Variants in UNC13B observed in about 807,000 individuals in gnomAD.
UNC13B encodes protein unc-13 homolog B.
A neutral mutation model predicts 211.0 loss-of-function variants in UNC13B; 144 were observed. The ratio of observed to expected loss-of-function variants is 0.68; its 90% CI spans 0.60 to 0.78. UNC13B has a LOEUF of 0.78. Among genes scored for constraint, UNC13B ranks in the 30% least tolerant of loss-of-function variants. The probability of loss-of-function intolerance (pLI) is 0.00; values close to 1 mark genes in which losing one functional copy is unlikely to be tolerated. For missense variants in UNC13B, 1,777 were observed against 2,002.0 expected, an observed-to-expected ratio of 0.89 and a Z score of 2.14; for synonymous variants, 709 against 725.8, an observed-to-expected ratio of 0.98 and a Z score of 0.37.
chr9:35,380,831 T>G (rs965957683), intron 18 of UNC13B, among the ~76,000 whole-genome samples, 192 bp downstream of exon 18: 8 of 152,198 alleles, frequency 5.3e-5, no homozygotes, highest in Admixed American at 5.2e-4. Flanking sequence ...TCACTCTGGC[T>G]GAATGTTCTC....
intron 15 of UNC13B, among the ~76,000 whole-genome samples, chr9:35,376,930 A>T (rs551949549): frequency 2.2e-3 from 331 of 151,806 alleles, no homozygotes; most frequent in South Asian, 4.2e-3. Flanking sequence ...CTGTGGCTGG[A>T]CCCCAGGAAA....
intron 8 of UNC13B, among the ~76,000 whole-genome samples, chr9:35,297,419 G>T: frequency 6.6e-6 from 1 of 151,182 alleles, no homozygotes. Flanking sequence ...GTGCAGGCCA[G>T]TTGTTTTGAG....
At chr9:35,168,512 T>C (rs1411094546) in intron 1 of UNC13B, among the ~76,000 whole-genome samples, 1 of 152,206 alleles carries the variant, frequency 6.6e-6, no homozygotes, top group Non-Finnish European at 1.5e-5. Context: ...TATACTCAGT[T>C]GGACCAAATG....
intron 12 of UNC13B, among the ~76,000 whole-genome samples, chr9:35,367,369 T>C (rs1833838619): frequency 6.6e-6 from 1 of 152,238 alleles, no homozygotes; most frequent in African/African-American, 2.4e-5. Context: ...TTGTTTTTAA[T>C]TTTTGTAGGT....
intron 8 of UNC13B, among the ~76,000 whole-genome samples, chr9:35,299,512 T>C (rs559551312): frequency 9.8e-5 from 15 of 152,318 alleles, no homozygotes; most frequent in East Asian, 5.8e-4. Flanking sequence ...ATTCTAGATA[T>C]TGGTACAACA....
intron 1 of UNC13B, among the ~76,000 whole-genome samples, chr9:35,207,972 C>T (rs933211960): frequency 2.6e-5 from 4 of 152,258 alleles, no homozygotes; most frequent in South Asian, 4.1e-4. Flanking sequence ...ATCTTTGATA[C>T]ATTTTTAAGT....
Position 35,304,712 on chromosome 9 carries a change from A to G in UNC13B, c.5308A>G (p.Lys1770Glu). The change falls in exon 9 of 40, where the codon AAG (lysine) becomes GAG (glutamate). Residue 1770 changes from lysine (K) to glutamate (E), a missense_variant. Physicochemically the swap from Lys to Glu is moderately conservative, Grantham distance 56. Transcript: ENST00000635942. ...AGTTGGTAGTACTTTGAAGTTTGAT[A>G]AGAGTGAATCCTTAGAGGCTTTGGC... ...ASVGSTLKFD[K>E]SESLEALAMQ... The G allele has an allele frequency of 2.5e-6, 1 of 398,896 alleles. No individual in the cohort carries two copies. 24.7% of individuals were successfully genotyped at this position (398,896 alleles called of 1,614,324 possible). A position where few individuals can be genotyped will look rare whatever the true frequency, so the allele number is the denominator to read the frequency against.
intron 15 of UNC13B, 117 bp from the exon 16 acceptor site, chr9:35,377,351 C>G (rs963761689): frequency 1.9e-6 from 2 of 1,069,778 alleles, no homozygotes; most frequent in Admixed American, 5.3e-5. Flanking sequence ...TTGCTGAGAA[C>G]TAGCAACCAG....
At chr9:35,376,948 G>A (rs991958619) in intron 15 of UNC13B, among the ~76,000 whole-genome samples, 1 of 152,206 alleles carries the variant, frequency 6.6e-6, no homozygotes, top group African/African-American at 2.4e-5. Flanking sequence ...AAAAGCAGGG[G>A]TGAAGGAAGT....
chr9:35,265,157 A>G (rs531220029), intron 7 of UNC13B, among the ~76,000 whole-genome samples: 1 of 152,200 alleles, frequency 6.6e-6, no homozygotes, highest in Non-Finnish European at 1.5e-5. Flanking sequence ...GCAGAATTGT[A>G]TGAACTTGAT....
intron 13 of UNC13B, among the ~76,000 whole-genome samples, chr9:35,372,229 AC>A (rs1834179685): frequency 6.6e-6 from 1 of 152,200 alleles, no homozygotes; most frequent in African/African-American, 2.4e-5. Flanking sequence ...CTGAGATCGC[AC>A]CACTGCACTC....
chr9:35,380,983 G>A, intron 18 of UNC13B, 117 bp from the exon 19 acceptor site: 2 of 953,228 alleles, frequency 2.1e-6, no homozygotes, highest in Non-Finnish European at 3.1e-6. Context: ...GAGTCCTTGG[G>A]TTGGCCCCTT....
intron 11 of UNC13B, among the ~76,000 whole-genome samples, chr9:35,320,206 G>T (rs1017701949): frequency 6.6e-6 from 1 of 152,060 alleles, no homozygotes; most frequent in Non-Finnish European, 1.5e-5. Flanking sequence ...ATATATGAGG[G>T]TATGTGTTTT....
At chr9:35,194,956 G>A (rs888618431) in intron 1 of UNC13B, among the ~76,000 whole-genome samples, 3 of 152,158 alleles carry the variant, frequency 2.0e-5, no homozygotes, top group Admixed American at 6.5e-5. Flanking sequence ...GTGGACTGGC[G>A]GCGGATGTGC....
chr9:35,345,764 G>A (rs888004702), intron 11 of UNC13B, among the ~76,000 whole-genome samples: 3 of 152,156 alleles, frequency 2.0e-5, no homozygotes, highest in Admixed American at 6.5e-5. Context: ...CCTGGGCAGG[G>A]CACAGAATAG....
intron 1 of UNC13B, among the ~76,000 whole-genome samples, chr9:35,216,392 A>G (rs1351284436): frequency 2.6e-5 from 4 of 152,226 alleles, no homozygotes; most frequent in Admixed American, 6.5e-5. Flanking sequence ...TTCACGACCC[A>G]TGGAATGACA....
At chr9:35,329,868 G>A (rs1831269147) in intron 11 of UNC13B, among the ~76,000 whole-genome samples, 1 of 152,164 alleles carries the variant, frequency 6.6e-6, no homozygotes, top group African/African-American at 2.4e-5. Context: ...TGGCAGAAGA[G>A]GGAAGAGGGT....
intron 7 of UNC13B, among the ~76,000 whole-genome samples, chr9:35,260,615 A>G (rs7874331): frequency 0.15 from 22,509 of 152,128 alleles, 1,911 homozygotes; most frequent in Admixed American, 0.25. Flanking sequence ...AGTAAAGGCC[A>G]ATGGTAGAGG....
intron 8 of UNC13B, among the ~76,000 whole-genome samples, chr9:35,298,868 A>G (rs1829531659): frequency 1.3e-5 from 2 of 152,208 alleles, no homozygotes; most frequent in Non-Finnish European, 1.5e-5. Flanking sequence ...TATAATCAGT[A>G]TAGGGAAAGA....
Sources: allele counts gnomAD v4.1 joint callset (sites outside exome capture counted in the v4.1 genomes callset), GRCh38; gene constraint gnomAD v4.1.1; transcripts MANE v1.5; gene names NCBI Gene and HGNC (gene_info 2026-07-23, HGNC 2026-07-21).